The following NECAB1 variants were observed in gnomAD, a reference collection of about 807,000 sequenced individuals.
NECAB1 encodes N-terminal EF-hand calcium-binding protein 1.
NECAB1 carries 29 observed loss-of-function variants against 57.5 expected under a neutral mutation model. That is an observed-to-expected ratio of 0.50 (90% CI 0.38 to 0.69). NECAB1 has a LOEUF of 0.69. Among genes scored for constraint, NECAB1 ranks in the 30% least tolerant of loss-of-function variants. The pLI, the probability that NECAB1 is intolerant of heterozygous loss-of-function variation, is 0.00. For missense variants in NECAB1, 372 were observed against 413.8 expected, an observed-to-expected ratio of 0.90 and a Z score of 0.88; for synonymous variants, 142 against 147.7, an observed-to-expected ratio of 0.96 and a Z score of 0.28.
intron 3 of NECAB1, among the ~76,000 whole-genome samples, chr8:90,855,141 T>C (rs1036455041): frequency 6.6e-6 from 1 of 152,182 alleles, no homozygotes; most frequent in African/African-American, 2.4e-5. Context: ...GGCTATCTTT[T>C]CTAACCAGAG....
intron 9 of NECAB1, among the ~76,000 whole-genome samples, chr8:90,934,878 C>T (rs998732045): frequency 6.6e-6 from 1 of 152,036 alleles, no homozygotes; most frequent in African/African-American, 2.4e-5. Flanking sequence ...TTTTTGGAAA[C>T]AGAAGAAGAA....
At chr8:90,845,891 T>G (rs1812547863) in intron 3 of NECAB1, among the ~76,000 whole-genome samples, 4 of 152,240 alleles carry the variant, frequency 2.6e-5, no homozygotes, top group Non-Finnish European at 5.9e-5. Flanking sequence ...TCTGTGTTCT[T>G]AATTTTAAAA....
intron 5 of NECAB1, among the ~76,000 whole-genome samples, chr8:90,900,367 T>C (rs542327811): frequency 1.3e-5 from 2 of 152,140 alleles, no homozygotes; most frequent in East Asian, 3.9e-4. Context: ...AGAGGAAAAA[T>C]GGTTCTTTTC....
chr8:90,877,410 C>T (rs1161146235), intron 4 of NECAB1, among the ~76,000 whole-genome samples: 2 of 152,096 alleles, frequency 1.3e-5, no homozygotes, highest in African/African-American at 2.4e-5. Context: ...ATAGTGGTCT[C>T]GAATTTACTC....
chr8:90,938,353 C>T (rs1227376648), intron 9 of NECAB1, among the ~76,000 whole-genome samples: 1 of 152,176 alleles, frequency 6.6e-6, no homozygotes, highest in Admixed American at 6.5e-5. Flanking sequence ...AAAGAATATT[C>T]AACCATGACA....
chr8:90,811,337 A>G (rs1811957069), intron 2 of NECAB1, among the ~76,000 whole-genome samples: 1 of 152,164 alleles, frequency 6.6e-6, no homozygotes, highest in Admixed American at 6.5e-5. Flanking sequence ...AATAATTTCA[A>G]TGCGTTCACA....
intron 2 of NECAB1, among the ~76,000 whole-genome samples, chr8:90,822,052 A>G (rs181769552): frequency 1.1e-3 from 174 of 152,020 alleles, no homozygotes; most frequent in Admixed American, 2.4e-3. Context: ...TGGACAAAGC[A>G]TGTAATTCCA....
At chr8:90,875,210 G>A (rs899530656) in intron 4 of NECAB1, among the ~76,000 whole-genome samples, 2 of 152,054 alleles carry the variant, frequency 1.3e-5, no homozygotes, top group South Asian at 2.1e-4. Context: ...GGCCGGGCGC[G>A]GTGGCTCACG....
At chr8:90,879,122 C>A (rs1808788567) in intron 4 of NECAB1, among the ~76,000 whole-genome samples, 2 of 134,996 alleles carry the variant, frequency 1.5e-5, no homozygotes, top group African/African-American at 2.8e-5. Flanking sequence ...ATATAGATAT[C>A]TATATATAAT....
intron 3 of NECAB1, among the ~76,000 whole-genome samples, chr8:90,857,553 G>GTA (rs1812815631): frequency 1.3e-5 from 2 of 151,916 alleles, no homozygotes; most frequent in Admixed American, 1.3e-4. Flanking sequence ...TACTTAACTA[G>GTA]TATATATATG....
At chr8:90,819,218 T>A (rs73313059) in intron 2 of NECAB1, among the ~76,000 whole-genome samples, 18,351 of 152,070 alleles carry the variant, frequency 0.12, 1,804 homozygotes, top group African/African-American at 0.27. Context: ...TGTTTACTTT[T>A]TTCCAGTAGA....
At chr8:90,947,488 C>T (rs977603453) in intron 10 of NECAB1, among the ~76,000 whole-genome samples, 1 of 151,576 alleles carries the variant, frequency 6.6e-6, no homozygotes, top group Non-Finnish European at 1.5e-5. Context: ...GCAACCTTCA[C>T]CTCCTGGGTT....
At chr8:90,819,103 G>A (rs1238756944) in intron 2 of NECAB1, among the ~76,000 whole-genome samples, 1 of 151,640 alleles carries the variant, frequency 6.6e-6, no homozygotes. Flanking sequence ...CCCAACAGAG[G>A]TATTCTTCAT....
In NECAB1 at chr8:90,940,798, G is replaced by C; in HGVS notation, c.760G>C (p.Val254Leu). The stretch of plus-strand genomic sequence containing the variant: ...CCTTCCTTGGCAGCACATCATGCTT[G>C]TGCAGCGGCAGATGTCTGTGATAGA... Reference protein sequence around the residue: ...EGNTKSHIMLVQRQMSVIEED... With the variant: ...EGNTKSHIMLLQRQMSVIEED... Residue 254 changes from valine (V) to leucine (L), a missense_variant, in exon 10 of 13, where the codon GTG (valine) becomes CTG (leucine). Val to Leu is a conservative substitution (Grantham distance 32). Coordinates refer to ENST00000417640, the MANE Select transcript of NECAB1 (RefSeq NM_022351.5). 1 of 1,560,308 alleles carries C rather than the reference G, an allele frequency of 6.4e-7. No individual in the cohort carries two copies. The highest frequency in any genetic ancestry group is 8.7e-7 in the Non-Finnish European group (1 of 1,151,684).
chr8:90,945,541 C>T (rs1374073964), intron 10 of NECAB1, among the ~76,000 whole-genome samples: 1 of 152,152 alleles, frequency 6.6e-6, no homozygotes, highest in African/African-American at 2.4e-5. Flanking sequence ...ATTAGTGACC[C>T]ACAGCTTGGT....
At chr8:90,945,925 C>T (rs531755989) in intron 10 of NECAB1, among the ~76,000 whole-genome samples, 9 of 152,168 alleles carry the variant, frequency 5.9e-5, no homozygotes, top group Non-Finnish European at 1.2e-4. Flanking sequence ...CAGGCTGTTT[C>T]GGGTGAGTAG....
intron 3 of NECAB1, among the ~76,000 whole-genome samples, chr8:90,857,881 T>G (rs1056278466): frequency 1.2e-4 from 18 of 152,274 alleles, no homozygotes; most frequent in Admixed American, 4.6e-4. Context: ...CAGTACTTTA[T>G]CAAAATATAG....
intron 3 of NECAB1, among the ~76,000 whole-genome samples, chr8:90,864,026 T>C (rs1390974615): frequency 2.0e-5 from 3 of 152,046 alleles, no homozygotes; most frequent in Non-Finnish European, 4.4e-5. Flanking sequence ...CTTGTTCATA[T>C]TGAGATAGGA....
chr8:90,954,513 A>G (rs1243892129), intron 12 of NECAB1, among the ~76,000 whole-genome samples: 1 of 152,102 alleles, frequency 6.6e-6, no homozygotes, highest in South Asian at 2.1e-4. Context: ...TACAAAAAAA[A>G]AGATCCTATT....
Sources: allele counts gnomAD v4.1 joint callset (sites outside exome capture counted in the v4.1 genomes callset), GRCh38; gene constraint gnomAD v4.1.1; transcripts MANE v1.5; gene names NCBI Gene and HGNC (gene_info 2026-07-23, HGNC 2026-07-21).